Variants in RFT1 observed in about 807,000 individuals in gnomAD.
The protein encoded by RFT1 is RFT1 glycolipid translocator homolog.
RFT1 carries 43 observed loss-of-function variants against 62.2 expected under a neutral mutation model. That is an observed-to-expected ratio of 0.69 (90% CI 0.54 to 0.89). RFT1 has a LOEUF of 0.89. RFT1 is among the 40% of genes least tolerant of loss of function. The pLI is 0.00. For synonymous variants in RFT1, 262 were observed against 264.6 expected (o/e 0.99, Z 0.10); for missense variants, 605 against 649.9 (o/e 0.93, Z 0.75).
At chr3:53,085,778 T>G (rs1459529696), downstream of RFT1, 1 of 152,182 alleles carries the variant, frequency 6.6e-6, no homozygotes, top group Non-Finnish European at 1.5e-5. Context: ...AAGCCGCGCT[T>G]CCCAAGAAGA....
chr3:53,100,321 G>A (rs947107881), intron 10 of RFT1, among the ~76,000 whole-genome samples: 3 of 152,198 alleles, frequency 2.0e-5, no homozygotes, highest in Non-Finnish European at 4.4e-5. Context: ...TCTAAGCAGA[G>A]AACAGGAGGC....
the RFT1 span, among the ~76,000 whole-genome samples, chr3:53,081,355 G>T: frequency 6.6e-6 from 1 of 152,206 alleles, no homozygotes; most frequent in Non-Finnish European, 1.5e-5. Context: ...GGGTGGAGAG[G>T]AGCAGAGCCT....
intron 6 of RFT1, among the ~76,000 whole-genome samples, chr3:53,114,138 C>T (rs1213633947): frequency 1.6e-4 from 24 of 152,178 alleles, no homozygotes; most frequent in Admixed American, 1.6e-3. Flanking sequence ...CATCTTCAGA[C>T]TTGGATTCTG....
rs1303215098 is a variant in RFT1, at chr3:53,092,072, T to C, written c.1459-2A>G. On this transcript the variant is annotated splice_acceptor_variant, in intron 12 of 12. Transcript: ENST00000296292. LOFTEE classifies it high-confidence loss of function. ...GCCCTGCTCACAGCAGAGGAATACC[T>C]GGGGAAAGAAACCATTGTCAGTGCC... is the stretch of plus-strand genomic sequence containing the variant. 1 of 1,614,108 alleles carries C rather than the reference T, an allele frequency of 6.2e-7. No individual in the cohort carries two copies. The highest frequency in any genetic ancestry group is 1.3e-5 in the African/African-American group (1 of 74,952).
intron 12 of RFT1, 145 bp from the exon 13 acceptor site, chr3:53,092,215 T>G (rs1701010772): frequency 7.1e-7 from 1 of 1,401,186 alleles, no homozygotes; most frequent in Non-Finnish European, 9.9e-7. Context: ...GTTTCCCCAT[T>G]GGCAACATTC....
Position 53,105,711 on chromosome 3 carries a change from C to G in RFT1, c.919G>C (p.Val307Leu). ...GTGGCATCCTTTCCCCTCTCCAGCA[C>G]CTTAGCAAAAAATATATAAAAACTT... is the stretch of plus-strand genomic sequence containing the variant. ...EESFYIFFAK[V>L]LERGKDATLQ... Residue 307 changes from valine to leucine, a missense_variant, in exon 9 of 13, where the codon GTG becomes CTG. Coordinates refer to ENST00000296292, the MANE Select transcript of RFT1 (RefSeq NM_052859.4). 6.2e-7 allele frequency: 1 copy of G among 1,613,784 alleles called. No individual in the cohort carries two copies. The highest frequency in any genetic ancestry group is 8.5e-7 in the Non-Finnish European group (1 of 1,179,870).
Position 53,091,882 on chromosome 3 carries a change from G to C in RFT1, c.*21C>G. The C allele has an allele frequency of 6.2e-7, 1 of 1,613,584 alleles. No homozygotes were observed. The highest frequency in any genetic ancestry group is 8.5e-7 in the Non-Finnish European group (1 of 1,179,722). On this transcript the variant is annotated 3_prime_UTR_variant, in exon 13 of 13. Transcript: ENST00000296292. Reference sequence around the variant, plus strand: ...ACCCATAGCTGGTCCAGGTGCCTCGGGTGTCCAGGCTTCCCTGAAGTCATG... The same window carrying C: ...ACCCATAGCTGGTCCAGGTGCCTCGCGTGTCCAGGCTTCCCTGAAGTCATG...
At chr3:53,121,622 C>A in intron 5 of RFT1, 77 bp downstream of exon 5, 1 of 1,171,880 alleles carries the variant, frequency 8.5e-7, no homozygotes, top group Non-Finnish European at 1.2e-6. Context: ...ATGCAGACCA[C>A]ACGGCGGTGG....
Position 53,106,983 on chromosome 3 carries a change from G to A in RFT1, c.776-114C>T, listed in dbSNP as rs929796516. ...CTGACAAATAAAGGAGAAATACTAG[G>A]TAATCAGTTAAAGACATGTCCTTGT... On this transcript the variant is annotated intron_variant, in intron 7 of 12. Transcript: ENST00000296292. The A allele has an allele frequency of 3.9e-6, 3 of 761,700 alleles. No homozygotes were observed. In the African/African-American group the frequency reaches 5.2e-5, roughly 13 times the overall value. The allele number at this position is 761,700 out of a possible 1,614,324, so 47.2% of individuals were successfully genotyped here. A position where few individuals can be genotyped will look rare whatever the true frequency, so the allele number is the denominator to read the frequency against.
chr3:53,091,573 T>G lies in RFT1; in HGVS notation c.*330A>C. The G allele has an allele frequency of 3.0e-6, 1 of 332,610 alleles. No individual in the cohort carries two copies. The highest frequency in any genetic ancestry group is 5.8e-6 in the Non-Finnish European group (1 of 171,928). 20.6% of individuals were successfully genotyped at this position (332,610 alleles called of 1,614,324 possible). A position where few individuals can be genotyped will look rare whatever the true frequency, so the allele number is the denominator to read the frequency against. Reference sequence around the variant, plus strand: ...TAACAGTTAACAATTAAGATATAGTTTGTTGGAGCATGTAGCTCCAAAGGC... The same window carrying G: ...TAACAGTTAACAATTAAGATATAGTGTGTTGGAGCATGTAGCTCCAAAGGC... On this transcript the variant is annotated 3_prime_UTR_variant, in exon 13 of 13. Coordinates refer to ENST00000296292, the MANE Select transcript of RFT1 (RefSeq NM_052859.4).
chr3:53,077,162 A>C, the RFT1 span, among the ~76,000 whole-genome samples: 1 of 152,236 alleles, frequency 6.6e-6, no homozygotes, highest in Non-Finnish European at 1.5e-5. Context: ...GAAATTAAAT[A>C]TAAAAGCAGG....
chr3:53,077,505 CAGA>C, the RFT1 span, among the ~76,000 whole-genome samples: 2 of 152,402 alleles, frequency 1.3e-5, no homozygotes. Context: ...CTGTCGCCCA[CAGA>C]AGGAGCCAGA....
rs148289202 is a variant in RFT1 at position 53,119,948 on chromosome 3, G to A, written c.632C>T (p.Thr211Ile). 401 of 1,613,056 alleles carry A rather than the reference G, an allele frequency of 2.5e-4. 5 individuals are homozygous for A. In the East Asian group the frequency reaches 7.6e-3, roughly 31 times the overall value. ...GGAGACAGGAAGAGTTTGAAGCTTGGTTGATTCTGGGGAACCCAGTAACTT... is the reference window on the plus strand; with the variant it reads ...GGAGACAGGAAGAGTTTGAAGCTTGATTGATTCTGGGGAACCCAGTAACTT... ...FTKLLGSPES[T>I]KLQTLPVSRI... The change falls in exon 6 of 13, where the codon ACC becomes ATC. Residue 211 changes from threonine (T) to isoleucine (I), a missense_variant. Transcript: ENST00000296292.
chr3:53,078,759 A>G, the RFT1 span, among the ~76,000 whole-genome samples: 1 of 152,080 alleles, frequency 6.6e-6, no homozygotes, highest in Non-Finnish European at 1.5e-5. Context: ...GGAATATTTT[A>G]ATCTCCACCG....
chr3:53,083,034 A>G, the RFT1 span, among the ~76,000 whole-genome samples: 1 of 151,518 alleles, frequency 6.6e-6, no homozygotes, highest in Admixed American at 6.6e-5. Flanking sequence ...CATCTCTAAT[A>G]AAAATACTTT....
chr3:53,101,946 G>A (rs541366856), intron 10 of RFT1, among the ~76,000 whole-genome samples: 1 of 152,098 alleles, frequency 6.6e-6, no homozygotes, highest in East Asian at 1.9e-4. Context: ...GGCTGAGGCG[G>A]GAGTCTCTTG....
downstream of RFT1, among the ~76,000 whole-genome samples, chr3:53,086,098 G>C (rs569553072): frequency 6.6e-6 from 1 of 152,286 alleles, no homozygotes; most frequent in South Asian, 2.1e-4. Flanking sequence ...CTGCCACCTT[G>C]AAAGCTAGTT....
chr3:53,105,418 C>A (rs1044526550), intron 9 of RFT1, among the ~76,000 whole-genome samples: 1 of 145,500 alleles, frequency 6.9e-6, no homozygotes, highest in Non-Finnish European at 1.5e-5. Flanking sequence ...TATCCCCGCC[C>A]CCCCCCCCAA....
At position 53,089,942 on chromosome 3, in the gene RFT1, C is replaced by G. The variant is rs1700946541; in HGVS notation, c.*1961G>C. On this transcript the variant is annotated 3_prime_UTR_variant, in exon 13 of 13. Transcript: ENST00000296292. ...CAAGGCTGCTTGTAGAGCAGCAGCT[C>G]TGTTCCTGGAGCAGAGAACAGGCAC... The G allele has an allele frequency of 6.5e-6, 1 of 152,744 alleles. No individual in the cohort carries two copies. The highest frequency in any genetic ancestry group is 2.1e-4 in the South Asian group (1 of 4,832). 9.5% of individuals were successfully genotyped at this position (152,744 alleles called of 1,614,324 possible). A position where few individuals can be genotyped will look rare whatever the true frequency, so the allele number is the denominator to read the frequency against.
Sources: gnomAD v4.1 joint callset for allele counts (sites outside exome capture counted in the v4.1 genomes callset) on GRCh38, gnomAD v4.1.1 for gene constraint, MANE v1.5 for transcripts, NCBI Gene and HGNC (gene_info 2026-07-23, HGNC 2026-07-21) for gene names.